PUS7: variants seen among roughly 807,000 people sequenced by gnomAD.
The protein encoded by PUS7 is pseudouridylate synthase 7 homolog.
Under a neutral mutation model 79.8 loss-of-function variants are expected in PUS7, and 48 were observed. That is an observed-to-expected ratio of 0.60 (90% CI 0.48 to 0.76). The LOEUF is 0.76. Among genes scored for constraint, PUS7 ranks in the 30% least tolerant of loss-of-function variants. PUS7 has a pLI of 0.00. For missense variants in PUS7, 729 were observed against 797.6 expected (o/e 0.91, Z 1.04); for synonymous variants, 286 against 272.2 (o/e 1.05, Z -0.50).
chr7:105,519,782 T>C (rs1055234624), intron 1 of PUS7, among the ~76,000 whole-genome samples: 1 of 151,616 alleles, frequency 6.6e-6, no homozygotes, highest in African/African-American at 2.4e-5. Context: ...GGGCTGAGAG[T>C]AAGAGGGGTG....
intron 11 of PUS7, among the ~76,000 whole-genome samples, chr7:105,469,410 C>G (rs1215903760): frequency 1.3e-5 from 2 of 152,120 alleles, no homozygotes; most frequent in Admixed American, 1.3e-4. Context: ...CCCACCTCAG[C>G]CTTCTGAGTA....
intron 4 of PUS7, among the ~76,000 whole-genome samples, chr7:105,503,054 A>T (rs1825319216): frequency 6.6e-6 from 1 of 152,192 alleles, no homozygotes; most frequent in Non-Finnish European, 1.5e-5. Context: ...CTGTTGATGG[A>T]GCACATCCAT....
intron 1 of PUS7, among the ~76,000 whole-genome samples, chr7:105,517,896 T>C (rs1219688102): frequency 6.6e-6 from 1 of 152,198 alleles, no homozygotes; most frequent in African/African-American, 2.4e-5. Flanking sequence ...ATGCCTGTAA[T>C]CCCAGCACTT....
Position 105,502,576 on chromosome 7 carries a change from AAC to A in PUS7, c.586-14_586-13del, listed in dbSNP as rs775214025. ...GTGTCCTCGATAACCTATTAAAAAA[AAC>A]AGATAGCAATACCACCAAGTTAACA... On this transcript the variant is annotated splice_polypyrimidine_tract_variant and intron_variant, in intron 4 of 15. Transcript: ENST00000469408. The A allele has an allele frequency of 6.2e-7, 1 of 1,612,778 alleles. No homozygotes were observed. Among genetic ancestry groups the A allele is most frequent in the South Asian group, 1.1e-5 (1 of 90,946 alleles).
chr7:105,462,103 GGAAAA>G (rs71152984), intron 14 of PUS7: 132,438 of 150,548 alleles, frequency 0.88, 59,472 homozygotes, highest in South Asian at 0.97. Context: ...AAAAAGAAAA[GGAAAA>G]GAAAAGAAGA....
intron 1 of PUS7, among the ~76,000 whole-genome samples, chr7:105,514,401 G>A (rs1479150989): frequency 5.9e-5 from 9 of 151,896 alleles, no homozygotes; most frequent in Non-Finnish European, 1.3e-4. Flanking sequence ...TCAAGAGACC[G>A]AGACCATCCT....
At chr7:105,482,026 A>G (rs750003314) in intron 8 of PUS7, among the ~76,000 whole-genome samples, 2 of 152,200 alleles carry the variant, frequency 1.3e-5, no homozygotes, top group Non-Finnish European at 2.9e-5. Flanking sequence ...CACTGCGCCC[A>G]GCCGGCTCGG....
chr7:105,485,926 C>A (rs924857663), intron 7 of PUS7, among the ~76,000 whole-genome samples: 7 of 152,092 alleles, frequency 4.6e-5, no homozygotes, highest in Non-Finnish European at 1.0e-4. Context: ...TCCTGAGAAG[C>A]TGGGACTACC....
At chr7:105,500,458 C>T (rs903789447) in intron 5 of PUS7, among the ~76,000 whole-genome samples, 10 of 152,236 alleles carry the variant, frequency 6.6e-5, no homozygotes, top group African/African-American at 1.7e-4. Context: ...TCACAAAACC[C>T]GGCATCCTAA....
chr7:105,469,447 T>C (rs1823788103), intron 11 of PUS7, among the ~76,000 whole-genome samples: 1 of 151,922 alleles, frequency 6.6e-6, no homozygotes. Flanking sequence ...CGCACCACCA[T>C]GTCCAGATAA....
intron 1 of PUS7, among the ~76,000 whole-genome samples, chr7:105,520,382 C>T (rs1201770970): frequency 6.8e-6 from 1 of 146,040 alleles, no homozygotes; most frequent in African/African-American, 2.5e-5. Context: ...TGGCGTGAAC[C>T]CGGGAGGCGG....
rs1284437964 is a variant in PUS7 at position 105,500,824 on chromosome 7, C to A, written c.730+1596G>T. Among the ~76,000 whole-genome samples the A allele has an allele frequency of 2.0e-5, 3 of 152,288 alleles. No homozygotes were observed. The South Asian group carries it at 6.2e-4, about 32-fold the overall frequency. On this transcript the variant is annotated intron_variant, in intron 5 of 15. Coordinates refer to ENST00000469408, the MANE Select transcript of PUS7 (RefSeq NM_019042.5). ...ACTGGGCTTACTCCTCTTTGAGCAA[C>A]CTTGGCTGAAAAAAGGCTGCTCAGG...
At chr7:105,512,936 G>A (rs1825755706) in intron 1 of PUS7, among the ~76,000 whole-genome samples, 1 of 152,150 alleles carries the variant, frequency 6.6e-6, no homozygotes, top group East Asian at 1.9e-4. Flanking sequence ...TGACAAATGT[G>A]GGAGGAAAGG....
chr7:105,498,201 T>C (rs1243960283), intron 5 of PUS7, among the ~76,000 whole-genome samples: 1 of 152,186 alleles, frequency 6.6e-6, no homozygotes, highest in African/African-American at 2.4e-5. Flanking sequence ...GTACACTCAA[T>C]ATACAAAATA....
chr7:105,460,171 C>T (rs1393197873), intron 14 of PUS7, among the ~76,000 whole-genome samples: 3 of 152,068 alleles, frequency 2.0e-5, no homozygotes, highest in Non-Finnish European at 4.4e-5. Flanking sequence ...ATCTCCTGAG[C>T]TCGTGATCTG....
At chr7:105,470,607 T>C in intron 11 of PUS7, 81 bp downstream of exon 11, 2 of 1,417,324 alleles carry the variant, frequency 1.4e-6, no homozygotes, top group East Asian at 2.4e-5. Context: ...TCTTTCAAAG[T>C]TTAGTAAAAT....
At chr7:105,518,135 G>A (rs1193959165) in intron 1 of PUS7, among the ~76,000 whole-genome samples, 1 of 151,664 alleles carries the variant, frequency 6.6e-6, no homozygotes, top group East Asian at 2.0e-4. Context: ...GTGACAGAGG[G>A]AGACTCTGTC....
At position 105,508,320 on chromosome 7, in the gene PUS7, C is replaced by G; in HGVS notation, c.193G>C (p.Val65Leu). The change falls in exon 2 of 16, where the codon GTC becomes CTC. Residue 65 changes from valine (V) to leucine (L), a missense_variant. Coordinates refer to ENST00000469408, the MANE Select transcript of PUS7 (RefSeq NM_019042.5). ...SEDVPRPPDT[V>L]STGKGGKNSE... ...TTCTTTCCACCTTTCCCAGTACTGA[C>G]AGTGTCAGGAGGCCGAGGCACGTCT... The G allele has an allele frequency of 1.2e-6, 2 of 1,614,136 alleles. No homozygotes were observed. The highest frequency in any genetic ancestry group is 1.1e-5 in the South Asian group (1 of 91,086).
intron 7 of PUS7, among the ~76,000 whole-genome samples, chr7:105,486,746 G>A (rs1003284723): frequency 6.6e-6 from 1 of 151,462 alleles, no homozygotes; most frequent in African/African-American, 2.4e-5. Flanking sequence ...TTTTTAAGTT[G>A]AGATAAAGTT....
Sources: gnomAD v4.1 joint callset for allele counts (sites outside exome capture counted in the v4.1 genomes callset) on GRCh38, gnomAD v4.1.1 for gene constraint, MANE v1.5 for transcripts, NCBI Gene and HGNC (gene_info 2026-07-23, HGNC 2026-07-21) for gene names.